The following PAMR1 variants were observed in gnomAD, a reference collection of about 807,000 sequenced individuals.
The protein encoded by PAMR1 is inactive serine protease PAMR1.
In PAMR1, 88 loss-of-function variants were observed where a neutral mutation model predicts 81.8. The ratio of observed to expected loss-of-function variants is 1.08; its 90% confidence interval spans 0.91 to 1.28. PAMR1 has a LOEUF of 1.28. Ranked by LOEUF, PAMR1 falls within the 50% of genes most tolerant of loss-of-function variation. The probability of loss-of-function intolerance (pLI) is 0.00; values close to 1 mark genes in which losing one functional copy is unlikely to be tolerated. For missense variants in PAMR1, 935 were observed against 919.7 expected (o/e 1.02, Z -0.21); for synonymous variants, 336 against 345.3 (o/e 0.97, Z 0.30).
At chr11:35,433,873 T>C (rs1855972989) in intron 10 of PAMR1, among the ~76,000 whole-genome samples, 1 of 151,126 alleles carries the variant, frequency 6.6e-6, no homozygotes, top group African/African-American at 2.4e-5. Context: ...GAGGGATGGA[T>C]GAAAAGATAG....
intron 1 of PAMR1, among the ~76,000 whole-genome samples, chr11:35,517,248 G>A (rs1851182311): frequency 6.6e-6 from 1 of 152,200 alleles, no homozygotes; most frequent in Non-Finnish European, 1.5e-5. Context: ...ATTAGTGCTG[G>A]CAAGAACCTT....
At chr11:35,484,970 G>A (rs1850471058) in intron 3 of PAMR1, among the ~76,000 whole-genome samples, 1 of 152,202 alleles carries the variant, frequency 6.6e-6, no homozygotes, top group Admixed American at 6.5e-5. Context: ...AACCCTAAGA[G>A]GAAGCCTTGG....
chr11:35,484,952 G>A (rs1167728966), intron 3 of PAMR1, among the ~76,000 whole-genome samples: 1 of 152,198 alleles, frequency 6.6e-6, no homozygotes, highest in Non-Finnish European at 1.5e-5. Context: ...CAACTTTTGA[G>A]TTTAAGAAAC....
At chr11:35,472,959 C>A (rs561677451) in intron 4 of PAMR1, among the ~76,000 whole-genome samples, 1 of 152,122 alleles carries the variant, frequency 6.6e-6, no homozygotes, top group Non-Finnish European at 1.5e-5. Context: ...CCTGCAGCCA[C>A]TCTGCAGAGA....
chr11:35,516,632 C>T (rs1851167706), intron 1 of PAMR1, among the ~76,000 whole-genome samples: 1 of 152,172 alleles, frequency 6.6e-6, no homozygotes, highest in South Asian at 2.1e-4. Context: ...AAGTAGGTCC[C>T]ACAAACAACA....
rs775070149 is a variant in PAMR1 at position 35,470,645 on chromosome 11, G to C, written c.668C>G (p.Ser223Cys). ...GGCATGGAAACCGTCAAAATTCTTG[G>C]AGCCATCGGAGTGGAAGAGGACGTG... ...SLHVLFHSDG[S>C]KNFDGFHAIY... Residue 223 changes from serine to cysteine, a missense_variant, in exon 5 of 11, where the codon TCC becomes TGC. Physicochemically the swap from Ser to Cys is moderately radical, Grantham distance 112. Transcript: ENST00000619888. 2 of 1,614,166 alleles carry C rather than the reference G, an allele frequency of 1.2e-6. No homozygotes were observed. The highest frequency in any genetic ancestry group is 1.1e-5 in the South Asian group (1 of 91,090).
At chr11:35,489,577 T>C (rs1285728070) in intron 3 of PAMR1, among the ~76,000 whole-genome samples, 1 of 152,214 alleles carries the variant, frequency 6.6e-6, no homozygotes, top group East Asian at 1.9e-4. Context: ...CAGAACCATG[T>C]CTAAGCTCTG....
chr11:35,492,554 C>A (rs1850651107), intron 2 of PAMR1, among the ~76,000 whole-genome samples: 1 of 152,170 alleles, frequency 6.6e-6, no homozygotes, highest in Non-Finnish European at 1.5e-5. Flanking sequence ...ATATCTAAAA[C>A]CCCATCACCC....
chr11:35,465,817 C>T lies in PAMR1; in HGVS notation c.820+2184G>A, dbSNP rs113165133. Among the ~76,000 whole-genome samples, 1,247 of 152,264 alleles carry T rather than the reference C, an allele frequency of 8.2e-3. 14 individuals carry two copies. Among genetic ancestry groups the T allele is most frequent in the African/African-American group, 0.029 (1,186 of 41,542 alleles). On this transcript the variant is annotated intron_variant, in intron 6 of 10. Transcript: ENST00000619888. Reference sequence around the variant, plus strand: ...ATTTTCCTGCCCATCTATGCTGATGCTTTAAAGTAATTTGAGACAGTTTGT... The same window carrying T: ...ATTTTCCTGCCCATCTATGCTGATGTTTTAAAGTAATTTGAGACAGTTTGT...
chr11:35,525,786 T>G (rs1851376300), upstream of PAMR1: 2 of 601,290 alleles, frequency 3.3e-6, no homozygotes, highest in Admixed American at 5.7e-5. Context: ...CTCTCCTCTC[T>G]GCTGCCTTAA....
At chr11:35,522,787 A>G (rs932719348) in intron 1 of PAMR1, among the ~76,000 whole-genome samples, 7 of 152,226 alleles carry the variant, frequency 4.6e-5, no homozygotes, top group Non-Finnish European at 2.9e-5. Flanking sequence ...ACCTCTGTGT[A>G]TCATAGAACC....
chr11:35,507,910 T>C (rs557860589), intron 1 of PAMR1, among the ~76,000 whole-genome samples: 1 of 152,118 alleles, frequency 6.6e-6, no homozygotes, highest in East Asian at 1.9e-4. Flanking sequence ...TGTTCCAAAT[T>C]GGGGAATTCC....
chr11:35,492,171 A>G lies in PAMR1; in HGVS notation c.253T>C (p.Cys85Arg). ...CTCTTGCAGTTTTCAAAGATGGTACAACCTGAAACATTCCCAAGAAGAGGA... is the reference window on the plus strand; with the variant it reads ...CTCTTGCAGTTTTCAAAGATGGTACGACCTGAAACATTCCCAAGAAGAGGA... ...ECDSCLIHPGCTIFENCKSCR... is the reference protein window; with the variant it reads ...ECDSCLIHPGRTIFENCKSCR... The change falls in exon 3 of 11, where the codon TGT (cysteine) becomes CGT (arginine). Residue 85 changes from cysteine to arginine, a missense_variant and splice_region_variant. Coordinates refer to ENST00000619888, the MANE Select transcript of PAMR1 (RefSeq NM_001001991.3). The G allele has an allele frequency of 6.2e-7, 1 of 1,614,124 alleles. No individual in the cohort carries two copies. Among genetic ancestry groups the G allele is most frequent in the Non-Finnish European group, 8.5e-7 (1 of 1,179,992 alleles).
chr11:35,506,480 G>T (rs1850959050), intron 1 of PAMR1, among the ~76,000 whole-genome samples: 1 of 150,110 alleles, frequency 6.7e-6, no homozygotes, highest in Admixed American at 6.6e-5. Context: ...TTTCTTGTAA[G>T]ATGGGTCTGG....
rs12576247 is a variant in PAMR1 at position 35,477,797 on chromosome 11, C to T, written c.380-3053G>A. ...CTTAGGGGCATTCTGACCCAGTCCTCTCCCACTCCATTTTGAAACGGCAGA... is the reference window on the plus strand; with the variant it reads ...CTTAGGGGCATTCTGACCCAGTCCTTTCCCACTCCATTTTGAAACGGCAGA... On this transcript the variant is annotated intron_variant, in intron 3 of 10. Transcript: ENST00000619888. Among the ~76,000 whole-genome samples the T allele has an allele frequency of 0.02, 3,002 of 152,242 alleles. 147 individuals carry two copies. In the East Asian group the frequency reaches 0.21, roughly 11 times the overall value.
At chr11:35,527,341 A>G (rs1361949695), upstream of PAMR1, among the ~76,000 whole-genome samples, 1 of 152,226 alleles carries the variant, frequency 6.6e-6, no homozygotes, top group Non-Finnish European at 1.5e-5. Context: ...AAGATTACGC[A>G]TGTAAGGCCC....
rs142343411 is a variant in PAMR1, at chr11:35,472,725, A to G, written c.494+1905T>C. On this transcript the variant is annotated intron_variant, in intron 4 of 10. Coordinates refer to ENST00000619888, the MANE Select transcript of PAMR1 (RefSeq NM_001001991.3). Reference sequence around the variant, plus strand: ...CAGGCAGGGGAATCTGTAAGTGCAAAGGCCCTGGAGCAATGATGAGGTTGA... The same window carrying G: ...CAGGCAGGGGAATCTGTAAGTGCAAGGGCCCTGGAGCAATGATGAGGTTGA... Among the ~76,000 whole-genome samples, 765 of 152,282 alleles carry G rather than the reference A, an allele frequency of 5.0e-3. 4 individuals carry two copies. Among genetic ancestry groups the G allele is most frequent in the Non-Finnish European group, 9.1e-3 (621 of 67,996 alleles).
At chr11:35,464,990 T>C (rs7128765) in intron 6 of PAMR1, among the ~76,000 whole-genome samples, 9 of 152,058 alleles carry the variant, frequency 5.9e-5, no homozygotes, top group Non-Finnish European at 1.0e-4. Context: ...GACTCGCTAA[T>C]GGGACATGAT....
chr11:35,461,441 C>G (rs1856653003), intron 6 of PAMR1, among the ~76,000 whole-genome samples: 1 of 152,032 alleles, frequency 6.6e-6, no homozygotes, highest in Non-Finnish European at 1.5e-5. Context: ...AAAATACACC[C>G]CTTATGTCAG....
Sources: gnomAD v4.1 joint callset for allele counts (sites outside exome capture counted in the v4.1 genomes callset) on GRCh38, gnomAD v4.1.1 for gene constraint, MANE v1.5 for transcripts, NCBI Gene and HGNC (gene_info 2026-07-23, HGNC 2026-07-21) for gene names.